MYB: variants seen among roughly 807,000 people sequenced by gnomAD.
MYB encodes the protein transcriptional activator Myb.
In MYB, 28 loss-of-function variants were observed where a neutral mutation model predicts 92.9. The observed-to-expected ratio is 0.30, with a 90% CI of 0.22 to 0.41. The LOEUF is 0.41. MYB is among the 10% of genes least tolerant of loss of function. The probability of loss-of-function intolerance (pLI) is 1.00; values close to 1 mark genes in which losing one functional copy is unlikely to be tolerated. For missense variants in MYB, 679 were observed against 929.3 expected (o/e 0.73, Z 3.50); for synonymous variants, 295 against 329.1 (o/e 0.90, Z 1.12).
At chr6:135,206,553 A>G (rs1331481680) in intron 15 of MYB, among the ~76,000 whole-genome samples, 2 of 148,786 alleles carry the variant, frequency 1.3e-5, no homozygotes, top group Non-Finnish European at 3.0e-5. Context: ...AAAAATAGCC[A>G]GGCGTGGTGG....
chr6:135,202,760 G>A (rs1778307689), intron 14 of MYB: 1 of 357,240 alleles, frequency 2.8e-6, no homozygotes, highest in South Asian at 2.2e-5. Context: ...ACCTAATAAG[G>A]GATGGTGCTG....
intron 15 of MYB, among the ~76,000 whole-genome samples, chr6:135,207,705 A>G (rs987544831): frequency 1.1e-4 from 17 of 150,760 alleles, no homozygotes; most frequent in African/African-American, 3.7e-4. Context: ...AGAGTCAACA[A>G]TTGTTATCAT....
At chr6:135,205,040 C>G (rs1453094555) in intron 15 of MYB, among the ~76,000 whole-genome samples, 1 of 152,072 alleles carries the variant, frequency 6.6e-6, no homozygotes, top group Non-Finnish European at 1.5e-5. Flanking sequence ...GCACTCCAGC[C>G]TGGGTGACAG....
chr6:135,198,620 C>T (rs188225105), intron 10 of MYB, among the ~76,000 whole-genome samples: 14 of 152,344 alleles, frequency 9.2e-5, no homozygotes, highest in South Asian at 8.3e-4. Context: ...AAGAACACAT[C>T]TCATTCTCTT....
At chr6:135,185,578 A>G (rs1470671028) in intron 1 of MYB, among the ~76,000 whole-genome samples, 1 of 152,176 alleles carries the variant, frequency 6.6e-6, no homozygotes, top group Non-Finnish European at 1.5e-5. Flanking sequence ...CTTAACCTTA[A>G]GTTTTCAACT....
intron 7 of MYB, 110 bp downstream of exon 7, chr6:135,194,028 A>C: frequency 1.2e-6 from 1 of 858,116 alleles, no homozygotes; most frequent in Non-Finnish European, 1.9e-6. Context: ...AGGAAAGGGA[A>C]CATGGAGAGG....
At chr6:135,206,950 A>G (rs1779029263) in intron 15 of MYB, among the ~76,000 whole-genome samples, 1 of 152,224 alleles carries the variant, frequency 6.6e-6, no homozygotes, top group Non-Finnish European at 1.5e-5. Flanking sequence ...AAGTGACTCT[A>G]AATATTTAAA....
intron 13 of MYB, 35 bp from the exon 14 acceptor site, chr6:135,201,604 C>A: frequency 6.9e-7 from 1 of 1,442,416 alleles, no homozygotes; most frequent in Non-Finnish European, 9.7e-7. Context: ...ATAGGAAGTT[C>A]TAGAAACAAC....
At chr6:135,203,109 T>C (rs1159361395) in intron 14 of MYB, 108 bp from the exon 15 acceptor site, 6 of 821,714 alleles carry the variant, frequency 7.3e-6, no homozygotes, top group African/African-American at 5.1e-5. Flanking sequence ...CATTTTTTTA[T>C]GCTAATGTGT....
intron 10 of MYB, among the ~76,000 whole-genome samples, chr6:135,198,190 C>T (rs1777594358): frequency 6.6e-6 from 1 of 152,216 alleles, no homozygotes. Flanking sequence ...GCCTGTAGTC[C>T]TAGCTACTGG....
chr6:135,193,012 G>T (rs565285543), intron 6 of MYB, among the ~76,000 whole-genome samples: 38 of 152,264 alleles, frequency 2.5e-4, no homozygotes, highest in Admixed American at 1.3e-3. Context: ...AGTGGTTATG[G>T]TATGTTTCAT....
chr6:135,198,884 T>G, intron 10 of MYB, 24 bp from the exon 11 acceptor site: 1 of 1,564,202 alleles, frequency 6.4e-7, no homozygotes, highest in Non-Finnish European at 8.8e-7. Context: ...AATCTAAGTA[T>G]TTTTTCTTTC....
At chr6:135,210,141 A>C (rs1779514667) in intron 15 of MYB, among the ~76,000 whole-genome samples, 2 of 152,252 alleles carry the variant, frequency 1.3e-5, no homozygotes. Flanking sequence ...ACATTATGCT[A>C]ATCAACTTTC....
rs750310093 is a variant in MYB at position 135,195,857 on chromosome 6, C to A, written c.1058C>A (p.Ser353Tyr). 4.3e-6 allele frequency: 7 copies of A among 1,614,174 alleles called. No individual in the cohort carries two copies. Among genetic ancestry groups the A allele is most frequent in the Non-Finnish European group, 4.2e-6 (5 of 1,180,038 alleles). Residue 353 changes from serine to tyrosine, a missense_variant, in exon 9 of 16, where the codon TCC (serine) becomes TAC (tyrosine). Coordinates refer to ENST00000341911, the MANE Select transcript of MYB (RefSeq NM_001130173.2). The part of the protein sequence containing the change: ...APVSCLGEHH[S>Y]TPSLPADPGS... ...GTTTCCTGTTTGGGAGAACACCACT[C>A]CACTCCATCTCTGCCAGCGGATCCT...
chr6:135,186,148 A>G (rs1775878392), intron 2 of MYB, 128 bp downstream of exon 2: 1 of 708,524 alleles, frequency 1.4e-6, no homozygotes, highest in African/African-American at 1.8e-5. Flanking sequence ...CCTAGCCCGC[A>G]TGTGCAGCGT....
intron 15 of MYB, 108 bp downstream of exon 15, chr6:135,203,432 G>T: frequency 1.1e-6 from 1 of 887,994 alleles, no homozygotes; most frequent in Non-Finnish European, 1.8e-6. Context: ...TCTGTTTTTC[G>T]TTTTCAACAT....
rs1775026717 is a variant in MYB at position 135,181,542 on chromosome 6, G to T, written c.23+6G>T. ...GCCCGAAGACCCCGGCACAGGTAAC[G>T]GGGAGCCGGGCGGGCGGCCGAGGGC... On this transcript the variant is annotated splice_donor_region_variant and intron_variant, in intron 1 of 15. Coordinates refer to ENST00000341911, the MANE Select transcript of MYB (RefSeq NM_001130173.2). This position sits in a 1 kb window ranked among gnomAD's most constrained non-coding sequence, Gnocchi z 5.3. 16 of 1,165,718 alleles carry T rather than the reference G, an allele frequency of 1.4e-5. No homozygotes were observed. The highest frequency in any genetic ancestry group is 1.7e-5 in the Non-Finnish European group (16 of 945,448). 72.2% of individuals were successfully genotyped at this position (1,165,718 alleles called of 1,614,324 possible). A position where few individuals can be genotyped will look rare whatever the true frequency, so the allele number is the denominator to read the frequency against.
intron 15 of MYB, among the ~76,000 whole-genome samples, chr6:135,211,667 G>T (rs976388782): frequency 2.0e-5 from 3 of 152,154 alleles, no homozygotes; most frequent in Admixed American, 2.0e-4. Flanking sequence ...GTCTATCAAC[G>T]TGAAAGGTGA....
intron 5 of MYB, among the ~76,000 whole-genome samples, chr6:135,191,650 GT>G (rs574861596): frequency 6.6e-6 from 1 of 152,076 alleles, no homozygotes; most frequent in Non-Finnish European, 1.5e-5. Context: ...GACTTAAACG[GT>G]TTTTTTGAAT....
Sources: gnomAD v4.1 joint callset for allele counts (sites outside exome capture counted in the v4.1 genomes callset) on GRCh38, gnomAD v4.1.1 for gene constraint, Gnocchi (gnomAD v3.1) non-coding constraint, MANE v1.5 for transcripts, NCBI Gene and HGNC (gene_info 2026-07-23, HGNC 2026-07-21) for gene names.